Variants in STAU2 observed in about 807,000 individuals in gnomAD.
STAU2 encodes staufen double-stranded RNA binding protein 2.
A neutral mutation model predicts 65.9 loss-of-function variants in STAU2; 20 were observed. The observed-to-expected ratio is 0.30, with a 90% CI of 0.21 to 0.44. The LOEUF (loss-of-function observed/expected upper bound fraction) is 0.44, where lower values mean the gene tolerates loss of function less well. STAU2 is among the 20% of genes least tolerant of loss of function. The probability of loss-of-function intolerance (pLI) is 1.00; values close to 1 mark genes in which losing one functional copy is unlikely to be tolerated. For missense variants in STAU2, 558 were observed against 683.9 expected, an observed-to-expected ratio of 0.82 and a Z score of 2.05; for synonymous variants, 232 against 233.9, an observed-to-expected ratio of 0.99 and a Z score of 0.07.
intron 13 of STAU2, among the ~76,000 whole-genome samples, chr8:73,446,105 T>C (rs1387683024): frequency 1.3e-5 from 2 of 152,210 alleles, no homozygotes; most frequent in Non-Finnish European, 2.9e-5. Flanking sequence ...GGAATACTAC[T>C]CAGCCATCAA....
Position 73,603,802 on chromosome 8 carries a change from G to A in STAU2, c.953C>T (p.Ala318Val). 6.2e-7 allele frequency: 1 copy of A among 1,611,644 alleles called. No individual in the cohort carries two copies. Among genetic ancestry groups the A allele is most frequent in the Non-Finnish European group, 8.5e-7 (1 of 1,179,706 alleles). Residue 318 changes from alanine (A) to valine (V), a missense_variant, in exon 10 of 15, where the codon GCC becomes GTC. This residue lies in a region of STAU2 where 199 missense variants were observed against 299.5 expected (regional missense o/e 0.66). Coordinates refer to ENST00000524300, the MANE Select transcript of STAU2 (RefSeq NM_001164380.2). ...ATAATCCGGCTCCTTTTCCTTTTTG[G>A]CCTGTTGAATTTGCGCCAGGCGGCT... is the stretch of plus-strand genomic sequence containing the variant. ...PISRLAQIQQ[A>V]KKEKEPDYVL...
At chr8:73,433,935 C>T (rs1335310304) in intron 13 of STAU2, among the ~76,000 whole-genome samples, 2 of 151,886 alleles carry the variant, frequency 1.3e-5, no homozygotes, top group Non-Finnish European at 1.5e-5. Flanking sequence ...CGGGCAGAAT[C>T]GTAGCGCCCC....
At chr8:73,513,162 G>A (rs1375499886) in intron 13 of STAU2, among the ~76,000 whole-genome samples, 2 of 151,948 alleles carry the variant, frequency 1.3e-5, no homozygotes, top group African/African-American at 4.8e-5. Flanking sequence ...TTCTTCCCTC[G>A]GGATTGTTGT....
At chr8:73,556,539 C>T (rs1423489832) in intron 12 of STAU2, among the ~76,000 whole-genome samples, 6 of 152,194 alleles carry the variant, frequency 3.9e-5, no homozygotes, top group South Asian at 2.1e-4. Flanking sequence ...TGGCAAATCA[C>T]GAGGTCAGGA....
At chr8:73,580,694 T>G (rs999116928) in intron 12 of STAU2, among the ~76,000 whole-genome samples, 8 of 152,244 alleles carry the variant, frequency 5.3e-5, no homozygotes, top group African/African-American at 1.7e-4. Flanking sequence ...TGTATTTAAG[T>G]GCCAATGAGC....
intron 6 of STAU2, among the ~76,000 whole-genome samples, chr8:73,666,310 A>G (rs1160709889): frequency 1.3e-5 from 2 of 152,250 alleles, no homozygotes; most frequent in African/African-American, 4.8e-5. Context: ...TTCATAAATC[A>G]GAATCTTGGC....
intron 12 of STAU2, among the ~76,000 whole-genome samples, chr8:73,574,875 G>A (rs959022615): frequency 1.3e-5 from 2 of 151,516 alleles, no homozygotes; most frequent in Non-Finnish European, 2.9e-5. Flanking sequence ...CCTGCACATT[G>A]TGCACATGTA....
At chr8:73,611,249 C>T (rs1201016569) in intron 9 of STAU2, among the ~76,000 whole-genome samples, 1 of 152,138 alleles carries the variant, frequency 6.6e-6, no homozygotes, top group Non-Finnish European at 1.5e-5. Flanking sequence ...ACTCATTATA[C>T]ACATGTTGTT....
intron 10 of STAU2, among the ~76,000 whole-genome samples, chr8:73,597,578 G>A (rs961102357): frequency 6.7e-6 from 1 of 149,458 alleles, no homozygotes; most frequent in African/African-American, 2.5e-5. Flanking sequence ...GCTGATGCAG[G>A]AGAATTGCCT....
At chr8:73,684,962 T>C (rs1293773381) in intron 5 of STAU2, among the ~76,000 whole-genome samples, 1 of 152,178 alleles carries the variant, frequency 6.6e-6, no homozygotes, top group Non-Finnish European at 1.5e-5. Context: ...GTAATCCCCA[T>C]AATCTCCATG....
intron 12 of STAU2, among the ~76,000 whole-genome samples, chr8:73,570,474 C>T (rs541887892): frequency 2.0e-5 from 3 of 151,926 alleles, no homozygotes; most frequent in East Asian, 1.9e-4. Context: ...CTACGTCTGA[C>T]TGGTGTACCT....
intron 10 of STAU2, among the ~76,000 whole-genome samples, chr8:73,597,669 C>CAAAAAAAAAAAAAAA (rs34461371): frequency 1.8e-5 from 1 of 55,876 alleles, no homozygotes; most frequent in Non-Finnish European, 3.1e-5. Flanking sequence ...GTCTCTGTCT[C>CAAAAAAAAAAAAAAA]AAAAAAAAAA....
intron 3 of STAU2, among the ~76,000 whole-genome samples, chr8:73,731,397 C>A (rs1357503011): frequency 6.6e-6 from 1 of 152,118 alleles, no homozygotes; most frequent in African/African-American, 2.4e-5. Flanking sequence ...GACTGCTGGG[C>A]TCTGTTTTGG....
intron 12 of STAU2, among the ~76,000 whole-genome samples, chr8:73,577,799 TC>T (rs1415559078): frequency 1.3e-5 from 2 of 152,214 alleles, no homozygotes; most frequent in Non-Finnish European, 2.9e-5. Context: ...TTATTTTTAA[TC>T]CCCATTTTCC....
chr8:73,746,883 C>T (rs1166767387), upstream of STAU2: 3 of 1,165,414 alleles, frequency 2.6e-6, no homozygotes, highest in African/African-American at 1.6e-5. Flanking sequence ...TCGGGCTCCC[C>T]GCCCCCCGCC....
chr8:73,651,156 G>A (rs1368367762), intron 6 of STAU2: 62 of 1,238,760 alleles, frequency 5.0e-5, no homozygotes, highest in South Asian at 9.0e-5. Context: ...TCCCTGGCCC[G>A]GACCAGGCAT....
At chr8:73,631,377 T>TAAA (rs1367693947) in intron 6 of STAU2, among the ~76,000 whole-genome samples, 1 of 133,322 alleles carries the variant, frequency 7.5e-6, no homozygotes, top group South Asian at 2.4e-4. Flanking sequence ...CCTCATCTCT[T>TAAA]AAAAAAAAAA....
chr8:73,463,483 AT>A (rs1225847403), intron 13 of STAU2, among the ~76,000 whole-genome samples: 1 of 152,256 alleles, frequency 6.6e-6, no homozygotes, highest in Non-Finnish European at 1.5e-5. Context: ...CTACAGAAAA[AT>A]AAATCACTGT....
intron 13 of STAU2, chr8:73,439,897 A>T (rs1368673493): frequency 6.6e-6 from 1 of 152,282 alleles, no homozygotes; most frequent in Admixed American, 6.5e-5. Flanking sequence ...TCTGGAGCTG[A>T]ATTCTGAACT....
Sources: gnomAD v4.1 joint callset for allele counts (sites outside exome capture counted in the v4.1 genomes callset) on GRCh38, gnomAD v4.1.1 for gene constraint, gnomAD v4.1.1 regional missense constraint, MANE v1.5 for transcripts, NCBI Gene and HGNC (gene_info 2026-07-23, HGNC 2026-07-21) for gene names.